Variants in GRM5 observed in about 807,000 individuals in gnomAD.
The protein encoded by GRM5 is glutamate metabotropic receptor 5.
GRM5 carries 19 observed loss-of-function variants against 83.1 expected under a neutral mutation model. The observed-to-expected ratio is 0.23, with a 90% CI of 0.16 to 0.34. GRM5 has a LOEUF of 0.34. Ranked by LOEUF, GRM5 falls within the 10% of genes least tolerant of loss-of-function variation. GRM5 has a pLI of 1.00. For missense variants in GRM5, 1,160 were observed against 1,588.3 expected, an observed-to-expected ratio of 0.73 and a Z score of 4.58; for synonymous variants, 675 against 633.6, an observed-to-expected ratio of 1.07 and a Z score of -0.98.
At chr11:88,808,222 C>T (rs1410207179) in intron 3 of GRM5, among the ~76,000 whole-genome samples, 2 of 151,904 alleles carry the variant, frequency 1.3e-5, no homozygotes, top group African/African-American at 2.4e-5. Context: ...GAATTTTCCA[C>T]TAGAATATAA....
rs1194574430 is a variant in GRM5 at position 88,637,572 on chromosome 11, C to G, written c.1147+15596G>C. On this transcript the variant is annotated intron_variant, in intron 4 of 9. Coordinates refer to ENST00000305447, the MANE Select transcript of GRM5 (RefSeq NM_001143831.3). ...TGAAAAAATGCTCACCATCACTGGC[C>G]ATCAGAGAAATGCAAATCAAAACCA... Among the ~76,000 whole-genome samples, 287 of 149,492 alleles carry G rather than the reference C, an allele frequency of 1.9e-3. 2 individuals carry two copies. Among genetic ancestry groups the G allele is most frequent in the African/African-American group, 6.7e-3 (274 of 41,066 alleles).
chr11:88,509,245 C>T lies in GRM5; in HGVS notation c.2986G>A (p.Gly996Ser), dbSNP rs774449806. Residue 996 changes from glycine to serine, a missense_variant, in exon 10 of 10, where the codon GGC becomes AGC. Physicochemically the swap from Gly to Ser is moderately conservative, Grantham distance 56. This residue lies in a region of GRM5 where 562 missense variants were observed against 532.4 expected (regional missense o/e 1.06). Coordinates refer to ENST00000305447, the MANE Select transcript of GRM5 (RefSeq NM_001143831.3). ...GPGGPESPDAGPKALYDVAEA... is the reference protein window; with the variant it reads ...GPGGPESPDASPKALYDVAEA... Reference sequence around the variant, plus strand: ...GCCACATCATACAGCGCCTTGGGGCCGGCGTCTGGGGACTCGGGCCCGCCT... The same window carrying T: ...GCCACATCATACAGCGCCTTGGGGCTGGCGTCTGGGGACTCGGGCCCGCCT... 1 of 1,496,250 alleles carries T rather than the reference C, an allele frequency of 6.7e-7. No individual in the cohort carries two copies. The allele number at this position is 1,496,250 out of a possible 1,614,324, so 92.7% of individuals were successfully genotyped here.
At chr11:88,875,955 G>T (rs1944846540) in intron 2 of GRM5, among the ~76,000 whole-genome samples, 1 of 151,984 alleles carries the variant, frequency 6.6e-6, no homozygotes, top group South Asian at 2.1e-4. Context: ...GGGCCTTGGG[G>T]TTTTTGGAAC....
chr11:88,862,284 A>G (rs1312553087), intron 2 of GRM5, among the ~76,000 whole-genome samples: 1 of 152,178 alleles, frequency 6.6e-6, no homozygotes, highest in Non-Finnish European at 1.5e-5. Flanking sequence ...TATGTATTCT[A>G]AGAAACCTTA....
At chr11:88,741,876 G>A (rs1695460) in intron 3 of GRM5, among the ~76,000 whole-genome samples, 1 of 151,754 alleles carries the variant, frequency 6.6e-6, no homozygotes, top group Non-Finnish European at 1.5e-5. Flanking sequence ...GATAATGGAG[G>A]CAGAGAAAGG....
At chr11:88,664,395 A>G (rs1191178000) in intron 3 of GRM5, among the ~76,000 whole-genome samples, 1 of 151,922 alleles carries the variant, frequency 6.6e-6, no homozygotes, top group Admixed American at 6.6e-5. Flanking sequence ...CCTTGTCATT[A>G]TTCCCTAAAC....
chr11:88,969,415 G>A (rs780860269), intron 2 of GRM5, among the ~76,000 whole-genome samples: 5 of 151,832 alleles, frequency 3.3e-5, no homozygotes, highest in Non-Finnish European at 5.9e-5. Context: ...TGCTTCTTGC[G>A]GAATGCATCA....
At chr11:88,728,056 A>G (rs1286071354) in intron 3 of GRM5, among the ~76,000 whole-genome samples, 1 of 152,176 alleles carries the variant, frequency 6.6e-6, no homozygotes, top group African/African-American at 2.4e-5. Flanking sequence ...TAGAGACATG[A>G]AAAACCCTTC....
intron 3 of GRM5, 124 bp downstream of exon 3, chr11:88,849,782 A>T: frequency 3.4e-6 from 3 of 880,486 alleles, no homozygotes; most frequent in Non-Finnish European, 5.4e-6. Context: ...TATGAAATTT[A>T]AGCTCTATTT....
At chr11:89,051,948 AAGTTGAATC>A (rs1393450806) in intron 1 of GRM5, among the ~76,000 whole-genome samples, 1 of 152,208 alleles carries the variant, frequency 6.6e-6, no homozygotes, top group Non-Finnish European at 1.5e-5. Context: ...TATATTTTCC[AAGTTGAATC>A]AACTGTATTT....
intron 2 of GRM5, among the ~76,000 whole-genome samples, chr11:88,974,219 T>G (rs1004532807): frequency 1.3e-5 from 2 of 152,124 alleles, no homozygotes; most frequent in African/African-American, 2.4e-5. Context: ...AATATTTGTT[T>G]AAATCTTGGT....
At chr11:88,921,663 C>G (rs551949493) in intron 2 of GRM5, among the ~76,000 whole-genome samples, 26 of 151,778 alleles carry the variant, frequency 1.7e-4, no homozygotes, top group African/African-American at 6.3e-4. Context: ...AGGAACATAA[C>G]AACAACTGAA....
At chr11:89,059,677 T>G (rs1189686211) in intron 1 of GRM5, among the ~76,000 whole-genome samples, 1 of 152,104 alleles carries the variant, frequency 6.6e-6, no homozygotes, top group Admixed American at 6.5e-5. Flanking sequence ...TGTAATAACA[T>G]AGGAAACGCA....
chr11:88,938,145 C>G (rs1159877685), intron 2 of GRM5, among the ~76,000 whole-genome samples: 2 of 151,582 alleles, frequency 1.3e-5, no homozygotes, highest in Non-Finnish European at 3.0e-5. Flanking sequence ...ATCAATATAT[C>G]AAAACATCAT....
chr11:89,064,950 G>GATATAT (rs1388641492), intron 1 of GRM5, among the ~76,000 whole-genome samples: 4 of 121,794 alleles, frequency 3.3e-5, no homozygotes, highest in African/African-American at 9.5e-5. Flanking sequence ...GGGAGAGAGA[G>GATATAT]ATATTATTTT....
chr11:88,767,803 C>A (rs925750201), intron 3 of GRM5, among the ~76,000 whole-genome samples: 1 of 151,824 alleles, frequency 6.6e-6, no homozygotes, highest in South Asian at 2.1e-4. Flanking sequence ...ATTAACAAAC[C>A]TGCACATGTA....
At chr11:88,546,512 T>A (rs1339655628) in intron 8 of GRM5, among the ~76,000 whole-genome samples, 1 of 152,168 alleles carries the variant, frequency 6.6e-6, no homozygotes, top group East Asian at 1.9e-4. Context: ...AATAATTATA[T>A]ATGTTAAAAC....
chr11:88,820,892 AGC>A (rs1472558395), intron 3 of GRM5, among the ~76,000 whole-genome samples: 1 of 152,252 alleles, frequency 6.6e-6, no homozygotes, highest in Non-Finnish European at 1.5e-5. Context: ...AGCGAACAAA[AGC>A]ACAAAAATTA....
At chr11:88,904,621 G>A (rs1361971555) in intron 2 of GRM5, among the ~76,000 whole-genome samples, 2 of 152,082 alleles carry the variant, frequency 1.3e-5, no homozygotes, top group African/African-American at 4.8e-5. Context: ...TGAACCATAA[G>A]TGTGGTATTC....
Sources: allele counts gnomAD v4.1 joint callset (sites outside exome capture counted in the v4.1 genomes callset), GRCh38; gene constraint gnomAD v4.1.1; regional missense constraint gnomAD v4.1.1; transcripts MANE v1.5; gene names NCBI Gene and HGNC (gene_info 2026-07-23, HGNC 2026-07-21).